The following MCC variants were observed in gnomAD, a reference collection of about 807,000 sequenced individuals.
MCC encodes colorectal mutant cancer protein.
Under a neutral mutation model 116.2 loss-of-function variants are expected in MCC, and 90 were observed. That is an observed-to-expected ratio of 0.77 (90% CI 0.65 to 0.92). MCC has a LOEUF of 0.92. MCC is among the 40% of genes least tolerant of loss of function. MCC has a pLI of 0.00. For synonymous variants in MCC, 578 were observed against 510.5 expected (o/e 1.13, Z -1.78); for missense variants, 1,516 against 1,312.2 (o/e 1.16, Z -2.40).
Position 113,333,822 on chromosome 5 carries a change from T to TATGTAC in MCC, c.627+6696_627+6697insGTACAT, listed in dbSNP as rs1561527767. On this transcript the variant is annotated intron_variant, in intron 3 of 18. Transcript: ENST00000408903. The stretch of plus-strand genomic sequence containing the variant: ...ATATGTATATATGTATATATGTACA[T>TATGTAC]ATATGTATATATGTATATATGTATA... Among the ~76,000 whole-genome samples, 158 of 80,998 alleles carry TATGTAC rather than the reference T, an allele frequency of 2.0e-3. 14 individuals carry two copies. In the East Asian group the frequency reaches 0.024, roughly 12 times the overall value. 53.1% of individuals were successfully genotyped at this position (80,998 alleles called of 152,430 possible).
chr5:113,346,922 CAT>C (rs1331786477), intron 2 of MCC, among the ~76,000 whole-genome samples: 1 of 146,536 alleles, frequency 6.8e-6, no homozygotes, highest in Non-Finnish European at 1.5e-5. Flanking sequence ...AGTGGCATGA[CAT>C]ATTTAAAGTG....
intron 3 of MCC, among the ~76,000 whole-genome samples, chr5:113,190,089 G>T (rs186923224): frequency 3.9e-5 from 6 of 152,320 alleles, no homozygotes; most frequent in African/African-American, 1.4e-4. Flanking sequence ...CATCTGATTA[G>T]GTGTTAAGGT....
intron 5 of MCC, among the ~76,000 whole-genome samples, chr5:113,136,460 T>G (rs959026989): frequency 6.6e-6 from 1 of 152,062 alleles, no homozygotes; most frequent in Non-Finnish European, 1.5e-5. Flanking sequence ...GTTGAGGACT[T>G]TGAGTAATCG....
intron 3 of MCC, among the ~76,000 whole-genome samples, chr5:113,243,157 T>G (rs1381814023): frequency 6.8e-6 from 1 of 147,264 alleles, no homozygotes; most frequent in Non-Finnish European, 1.5e-5. Context: ...TTACCAAGCA[T>G]GTGTTTTTGT....
intron 3 of MCC, among the ~76,000 whole-genome samples, chr5:113,242,869 G>A (rs999923711): frequency 3.3e-5 from 5 of 152,298 alleles, no homozygotes; most frequent in South Asian, 4.2e-4. Context: ...AAAGTAACAG[G>A]AGTCAGTCAG....
chr5:113,402,311 A>AAC (rs11375723), intron 1 of MCC, among the ~76,000 whole-genome samples: 7 of 135,468 alleles, frequency 5.2e-5, no homozygotes, highest in African/African-American at 1.9e-4. Context: ...AAAAAAAAAA[A>AAC]CACACTCAGC....
At chr5:113,358,995 G>C (rs1335009586) in intron 2 of MCC, among the ~76,000 whole-genome samples, 1 of 152,156 alleles carries the variant, frequency 6.6e-6, no homozygotes, top group Non-Finnish European at 1.5e-5. Context: ...GGAATGTACA[G>C]ATAAATAGAG....
chr5:113,398,895 G>A (rs747385634), intron 1 of MCC, among the ~76,000 whole-genome samples: 31 of 152,170 alleles, frequency 2.0e-4, no homozygotes, highest in Non-Finnish European at 3.5e-4. Flanking sequence ...TTAACCCTGG[G>A]AATTAGTATT....
chr5:113,207,748 T>TA (rs1762971089), intron 3 of MCC, among the ~76,000 whole-genome samples: 1 of 152,180 alleles, frequency 6.6e-6, no homozygotes, highest in Admixed American at 6.5e-5. Context: ...AAATGAGGTA[T>TA]ATCAATGGTC....
chr5:113,070,561 G>C (rs1184735098), intron 12 of MCC, among the ~76,000 whole-genome samples: 1 of 152,138 alleles, frequency 6.6e-6, no homozygotes, highest in Admixed American at 6.5e-5. Flanking sequence ...ATTTTATCCA[G>C]AGGAAAATAT....
At chr5:113,145,185 C>G (rs1158802202) in intron 4 of MCC, among the ~76,000 whole-genome samples, 5 of 152,216 alleles carry the variant, frequency 3.3e-5, no homozygotes, top group Admixed American at 2.0e-4. Flanking sequence ...TGCTGTTAGC[C>G]TCTGTTCCCA....
chr5:113,257,955 T>C (rs939555383), intron 3 of MCC, among the ~76,000 whole-genome samples: 5 of 152,104 alleles, frequency 3.3e-5, no homozygotes, highest in Non-Finnish European at 7.4e-5. Flanking sequence ...GCAGGTCTGG[T>C]GACAAGCTGA....
chr5:113,237,757 G>T (rs1310996105), intron 3 of MCC, among the ~76,000 whole-genome samples: 2 of 152,232 alleles, frequency 1.3e-5, no homozygotes, highest in Non-Finnish European at 2.9e-5. Flanking sequence ...TCAGAAACTT[G>T]CAAGGCTCTC....
intron 1 of MCC, among the ~76,000 whole-genome samples, chr5:113,456,701 G>C (rs1270804095): frequency 7.6e-6 from 1 of 131,234 alleles, no homozygotes; most frequent in African/African-American, 2.9e-5. Flanking sequence ...TCGATCTCCT[G>C]ACCTCGTGAT....
intron 1 of MCC, among the ~76,000 whole-genome samples, chr5:113,395,889 G>T (rs913361084): frequency 1.3e-5 from 2 of 152,128 alleles, no homozygotes; most frequent in East Asian, 1.9e-4. Flanking sequence ...TCAGAATGGT[G>T]GGGGTGGGGG....
intron 3 of MCC, among the ~76,000 whole-genome samples, chr5:113,210,792 C>T (rs1763106722): frequency 6.6e-6 from 1 of 152,108 alleles, no homozygotes; most frequent in Admixed American, 6.5e-5. Flanking sequence ...ATATGGCTGT[C>T]AGTTTTAACC....
At chr5:113,184,479 GTTT>G (rs11303638) in intron 3 of MCC, among the ~76,000 whole-genome samples, 8 of 115,136 alleles carry the variant, frequency 6.9e-5, no homozygotes, top group Admixed American at 1.0e-4. Context: ...TTCGTTTTTT[GTTT>G]TTTTTTTTTT....
chr5:113,434,248 C>T lies in MCC; in HGVS notation c.171-49036G>A, dbSNP rs560296208. Reference sequence around the variant, plus strand: ...AGGATCACGCCTAGGCTCCAGATGTCGTACACCTTGGGCTGGTAGGGAATG... The same window carrying T: ...AGGATCACGCCTAGGCTCCAGATGTTGTACACCTTGGGCTGGTAGGGAATG... On this transcript the variant is annotated intron_variant, in intron 1 of 18. Transcript: ENST00000408903. This position sits in a 1 kb window ranked among gnomAD's most constrained non-coding sequence, Gnocchi z 4.2. 76 of 1,614,052 alleles carry T rather than the reference C, an allele frequency of 4.7e-5. 1 individual carries two copies. In the South Asian group the frequency reaches 7.1e-4, roughly 15 times the overall value.
intron 2 of MCC, among the ~76,000 whole-genome samples, chr5:113,343,824 A>G (rs1768069652): frequency 6.6e-6 from 1 of 152,236 alleles, no homozygotes; most frequent in African/African-American, 2.4e-5. Context: ...GCAAACATGA[A>G]GCCTCATTCT....
Sources: allele counts gnomAD v4.1 joint callset (sites outside exome capture counted in the v4.1 genomes callset), GRCh38; gene constraint gnomAD v4.1.1; non-coding constraint Gnocchi (gnomAD v3.1); transcripts MANE v1.5; gene names NCBI Gene and HGNC (gene_info 2026-07-23, HGNC 2026-07-21).